The following POLA1 variants were observed in gnomAD, a reference collection of about 807,000 sequenced individuals.
POLA1 encodes the protein DNA polymerase alpha 1, catalytic subunit.
Under a neutral mutation model 124.0 loss-of-function variants are expected in POLA1, and 15 were observed. The ratio of observed to expected loss-of-function variants is 0.12; its 90% CI spans 0.08 to 0.19. The LOEUF is 0.19. Ranked by LOEUF, POLA1 falls within the 10% of genes least tolerant of loss-of-function variation. POLA1 has a pLI of 1.00. For synonymous variants in POLA1, 408 were observed against 389.4 expected (o/e 1.05, Z -0.56); for missense variants, 886 against 1,103.4 (o/e 0.80, Z 2.79).
At chrX:24,940,743 T>C (rs2047901398) in intron 36 of POLA1, among the ~76,000 whole-genome samples, 1 of 112,297 alleles carries the variant, frequency 8.9e-6, no homozygotes, top group Non-Finnish European at 1.9e-5. Context: ...ATATTCGTTT[T>C]TTTCTTAAAA....
At chrX:24,793,091 A>G (rs1178141442) in intron 26 of POLA1, among the ~76,000 whole-genome samples, 2 of 109,614 alleles carry the variant, frequency 1.8e-5, no homozygotes, top group East Asian at 2.8e-4. Flanking sequence ...AGCCTGGCCA[A>G]TATGGTGAAA....
At chrX:24,843,418 G>T (rs2046434142) in intron 33 of POLA1, 128 bp from the exon 34 acceptor site, 1 of 420,360 alleles carries the variant, frequency 2.4e-6, no homozygotes, top group African/African-American at 2.5e-5. Flanking sequence ...TGAGAAGATA[G>T]GGTTAACAAC....
chrX:24,953,940 A>C (rs2048075975), intron 36 of POLA1, among the ~76,000 whole-genome samples: 1 of 112,265 alleles, frequency 8.9e-6, no homozygotes, highest in African/African-American at 3.2e-5. Flanking sequence ...TGCTCTGCTA[A>C]GCAGCTGCTA....
intron 36 of POLA1, among the ~76,000 whole-genome samples, chrX:24,935,238 T>G (rs1045281766): frequency 1.8e-5 from 2 of 112,551 alleles, no homozygotes; most frequent in African/African-American, 3.2e-5. Flanking sequence ...GACTTCAACC[T>G]ACCTTCAGTA....
chrX:24,880,147 G>A (rs1569348090), intron 34 of POLA1, among the ~76,000 whole-genome samples: 1 of 111,730 alleles, frequency 9.0e-6, no homozygotes, highest in East Asian at 2.8e-4. Flanking sequence ...GTTTAAATGA[G>A]GACCACTGTT....
intron 26 of POLA1, among the ~76,000 whole-genome samples, chrX:24,793,232 G>A (rs1227005306): frequency 4.5e-5 from 4 of 88,356 alleles, no homozygotes; most frequent in Non-Finnish European, 8.3e-5. Context: ...AGCCAAGATC[G>A]CGCCATTGCA....
intron 16 of POLA1, 51 bp downstream of exon 16, chrX:24,732,505 T>C (rs1344518463): frequency 1.3e-6 from 1 of 769,003 alleles, no homozygotes; most frequent in African/African-American, 2.1e-5. Context: ...TTGAATTTCC[T>C]TATTTTTTCT....
chrX:24,788,983 C>T (rs2045432729), intron 26 of POLA1: 1 of 1,210,046 alleles, frequency 8.3e-7, no homozygotes, highest in African/African-American at 1.7e-5. Context: ...CTTGTGATGG[C>T]ACATACCCCT....
At chrX:24,829,827 A>G (rs1324894298) in intron 32 of POLA1, among the ~76,000 whole-genome samples, 1 of 112,167 alleles carries the variant, frequency 8.9e-6, no homozygotes, top group Non-Finnish European at 1.9e-5. Flanking sequence ...AGCTGTAGGC[A>G]TAAAATTACT....
At position 24,901,510 on chromosome X, in the gene POLA1, G is replaced by A. The variant is rs1469259196; in HGVS notation, c.4164+13388G>A. ...GGGTGGAGACACTGTGAAGAGCCAT[G>A]TAAGCCATTGTAAGGGCTTTAGTAT... On this transcript the variant is annotated intron_variant, in intron 35 of 36. Transcript: ENST00000379068. Among the ~76,000 whole-genome samples the A allele has an allele frequency of 2.7e-5, 3 of 111,707 alleles. No homozygotes were observed. In the Admixed American group the frequency reaches 2.9e-4, roughly 11 times the overall value.
At chrX:24,754,280 A>G (rs942861640) in intron 26 of POLA1, among the ~76,000 whole-genome samples, 1 of 107,574 alleles carries the variant, frequency 9.3e-6, no homozygotes, top group African/African-American at 3.4e-5. Flanking sequence ...GCAGGGGGGC[A>G]GAGTTTCACT....
intron 17 of POLA1, among the ~76,000 whole-genome samples, chrX:24,734,615 G>C (rs1238596002): frequency 9.0e-6 from 1 of 111,114 alleles, no homozygotes; most frequent in Non-Finnish European, 1.9e-5. Context: ...TTCCATTAGA[G>C]TCAAACCGAC....
intron 2 of POLA1, among the ~76,000 whole-genome samples, chrX:24,701,634 C>T (rs1001723893): frequency 2.6e-4 from 29 of 110,827 alleles, no homozygotes; most frequent in Admixed American, 2.6e-3. Context: ...CGGGGTTTCA[C>T]CATGTCGGTC....
chrX:24,797,969 G>A (rs2045638734), intron 26 of POLA1, among the ~76,000 whole-genome samples: 1 of 109,909 alleles, frequency 9.1e-6, no homozygotes, highest in Non-Finnish European at 1.9e-5. Context: ...GATTGCTTTA[G>A]CCCAGGAGGT....
intron 35 of POLA1, among the ~76,000 whole-genome samples, chrX:24,901,514 G>A (rs895772482): frequency 8.9e-6 from 1 of 111,782 alleles, no homozygotes; most frequent in Non-Finnish European, 1.9e-5. Flanking sequence ...AGCCATGTAA[G>A]CCATTGTAAG....
At chrX:24,994,687 T>G (rs1310856239) in intron 36 of POLA1, among the ~76,000 whole-genome samples, 1 of 106,477 alleles carries the variant, frequency 9.4e-6, no homozygotes, top group East Asian at 3.0e-4. Flanking sequence ...TCTACAACTC[T>G]GATTACCTGC....
At chrX:24,916,438 G>A (rs1253849522) in intron 35 of POLA1, among the ~76,000 whole-genome samples, 3 of 109,718 alleles carry the variant, frequency 2.7e-5, no homozygotes, top group Non-Finnish European at 5.7e-5. Flanking sequence ...GCACTACTAC[G>A]CCTGGCTAAT....
intron 26 of POLA1, among the ~76,000 whole-genome samples, chrX:24,798,922 C>T (rs1289902044): frequency 9.0e-6 from 1 of 111,343 alleles, no homozygotes; most frequent in Non-Finnish European, 1.9e-5. Flanking sequence ...TGGGACCCCT[C>T]TGTATTTTAA....
chrX:24,699,081 C>T (rs934445280), intron 1 of POLA1, among the ~76,000 whole-genome samples: 2 of 112,159 alleles, frequency 1.8e-5, no homozygotes, highest in African/African-American at 6.5e-5. Flanking sequence ...TCTGGCTGGT[C>T]ATTTCTAATG....
Sources: allele counts gnomAD v4.1 joint callset (sites outside exome capture counted in the v4.1 genomes callset), GRCh38; gene constraint gnomAD v4.1.1; transcripts MANE v1.5; gene names NCBI Gene and HGNC (gene_info 2026-07-23, HGNC 2026-07-21).